The following RNF175 variants were observed in gnomAD, a reference collection of about 807,000 sequenced individuals.
RNF175 encodes the protein ring finger protein 175.
In RNF175, 38 loss-of-function variants were observed where a neutral mutation model predicts 50.0. The observed-to-expected ratio is 0.76, with a 90% confidence interval of 0.59 to 1.00. The LOEUF (loss-of-function observed/expected upper bound fraction) is 1.00. RNF175 is among the 50% of genes least tolerant of loss of function. The probability of loss-of-function intolerance (pLI) is 0.00; values close to 1 mark genes in which losing one functional copy is unlikely to be tolerated. For synonymous variants in RNF175, 155 were observed against 146.1 expected (o/e 1.06, Z -0.44); for missense variants, 388 against 409.6 (o/e 0.95, Z 0.46).
intron 3 of RNF175, among the ~76,000 whole-genome samples, chr4:153,746,051 T>A (rs905960127): frequency 6.6e-6 from 1 of 152,242 alleles, no homozygotes; most frequent in Non-Finnish European, 1.5e-5. Context: ...AAAAGTCCAG[T>A]GTCTCATCTA....
chr4:153,728,159 T>C (rs780662012), intron 4 of RNF175, 48 bp downstream of exon 4: 4 of 1,418,754 alleles, frequency 2.8e-6, no homozygotes. Context: ...TGCTTTGTAA[T>C]ATTTAAAATA....
At chr4:153,717,534 AAC>A (rs61710163) in intron 6 of RNF175, among the ~76,000 whole-genome samples, 2,465 of 149,748 alleles carry the variant, frequency 0.016, 57 homozygotes, top group African/African-American at 0.056. Flanking sequence ...TACACACACA[AAC>A]ACACACACAC....
At chr4:153,716,545 C>A (rs917686037) in intron 6 of RNF175, among the ~76,000 whole-genome samples, 1 of 152,166 alleles carries the variant, frequency 6.6e-6, no homozygotes. Context: ...ATATTAGAAT[C>A]CCTAGGAAGC....
In RNF175 at chr4:153,748,753, C is replaced by T. The variant is rs1210707369; in HGVS notation, c.138G>A (p.Arg46=). 6.2e-7 allele frequency: 1 copy of T among 1,611,960 alleles called. No homozygotes were observed. Among genetic ancestry groups the T allele is most frequent in the Non-Finnish European group, 8.5e-7 (1 of 1,179,104 alleles). Residue 46 remains arginine, a synonymous_variant, in exon 3 of 9, where the codon CGG becomes CGA. Transcript: ENST00000347063. ...LQQERMYKMH[R]GHDSMHVEMI... ...TTTCCACGTGCATGGAATCGTGGCC[C>T]CGGTGCATCTTGTACATCCTCTCCT...
At chr4:153,715,470 G>C in intron 7 of RNF175, 59 bp downstream of exon 7, 1 of 1,496,276 alleles carries the variant, frequency 6.7e-7, no homozygotes. Context: ...GGAGGAGGAG[G>C]AGAAGGAGGA....
intron 6 of RNF175, 95 bp downstream of exon 6, chr4:153,720,089 G>A: frequency 2.3e-6 from 3 of 1,327,860 alleles, no homozygotes; most frequent in South Asian, 2.7e-5. Context: ...TATGGAGAAA[G>A]ACTTATTTGT....
intron 4 of RNF175, 94 bp downstream of exon 4, chr4:153,728,113 C>T: frequency 1.2e-6 from 1 of 849,190 alleles, no homozygotes; most frequent in Non-Finnish European, 1.7e-6. Context: ...AATGTAACCC[C>T]CCCACTCCCC....
At chr4:153,715,385 C>T in intron 7 of RNF175, 144 bp downstream of exon 7, 1 of 771,034 alleles carries the variant, frequency 1.3e-6, no homozygotes, top group Non-Finnish European at 2.2e-6. Flanking sequence ...AACAGGAAGA[C>T]TCGACTGGGC....
At chr4:153,715,419 G>A (rs1282341847) in intron 7 of RNF175, 110 bp downstream of exon 7, 2 of 1,030,790 alleles carry the variant, frequency 1.9e-6, no homozygotes, top group East Asian at 2.6e-5. Flanking sequence ...ACTGGGGTTT[G>A]GGCATGGAAG....
chr4:153,727,795 T>C (rs141089678), intron 4 of RNF175: 1 of 153,140 alleles, frequency 6.5e-6, no homozygotes, highest in African/African-American at 2.4e-5. Flanking sequence ...AAGTTGTCCA[T>C]GACTTATGAT....
chr4:153,713,150 C>T (rs573201195), intron 7 of RNF175: 2 of 152,290 alleles, frequency 1.3e-5, no homozygotes, highest in South Asian at 4.1e-4. Flanking sequence ...CTAAACTTAA[C>T]TTCTCAAACT....
intron 4 of RNF175, among the ~76,000 whole-genome samples, chr4:153,727,885 TAAA>T (rs1738797983): frequency 6.6e-6 from 1 of 152,220 alleles, no homozygotes; most frequent in African/African-American, 2.4e-5. Context: ...TATAGTGGAA[TAAA>T]GAAAAATGCT....
intron 2 of RNF175, among the ~76,000 whole-genome samples, chr4:153,750,108 T>G (rs371534896): frequency 4.3e-4 from 65 of 152,182 alleles, no homozygotes; most frequent in African/African-American, 1.5e-3. Flanking sequence ...TGGGGAAAAA[T>G]CATGAATGCT....
intron 4 of RNF175, among the ~76,000 whole-genome samples, chr4:153,726,462 A>C (rs956633815): frequency 6.6e-6 from 1 of 152,128 alleles, no homozygotes; most frequent in African/African-American, 2.4e-5. Flanking sequence ...AGTTGAGAGG[A>C]AACTCACTTC....
Position 153,740,524 on chromosome 4 carries a change from T to C in RNF175, c.246+8121A>G, listed in dbSNP as rs926277957. ...ACGTTTATGTTAACTACAGTCACCA[T>C]GCTGTGCAATAGAATACCAGAATTT... is the stretch of plus-strand genomic sequence containing the variant. On this transcript the variant is annotated intron_variant, in intron 3 of 8. Coordinates refer to ENST00000347063, the MANE Select transcript of RNF175 (RefSeq NM_173662.4). Among the ~76,000 whole-genome samples, 16 of 152,338 alleles carry C rather than the reference T, an allele frequency of 1.1e-4. No homozygotes were observed. The South Asian group carries it at 2.9e-3, about 28-fold the overall frequency.
chr4:153,712,646 G>T, intron 7 of RNF175, 70 bp from the exon 8 acceptor site: 1 of 1,021,526 alleles, frequency 9.8e-7, no homozygotes, highest in Non-Finnish European at 1.5e-6. Flanking sequence ...GCATGGAATG[G>T]TCCCATCTTC....
chr4:153,715,747 G>A, intron 6 of RNF175, 85 bp from the exon 7 acceptor site: 1 of 1,423,964 alleles, frequency 7.0e-7, no homozygotes, highest in South Asian at 1.3e-5. Flanking sequence ...CAGGCACTGG[G>A]ACAGGCAGCC....
chr4:153,760,017 C>T lies in RNF175; in HGVS notation c.-155G>A. The T allele has an allele frequency of 2.4e-6, 1 of 422,464 alleles. No individual in the cohort carries two copies. Among genetic ancestry groups the T allele is most frequent in the East Asian group, 3.7e-5 (1 of 26,704 alleles). The allele number at this position is 422,464 out of a possible 1,614,324, so 26.2% of individuals were successfully genotyped here. A position where few individuals can be genotyped will look rare whatever the true frequency, so the allele number is the denominator to read the frequency against. On this transcript the variant is annotated 5_prime_UTR_variant, in exon 1 of 9. Transcript: ENST00000347063. Reference sequence around the variant, plus strand: ...GCGGCCCTGCCCGGGTTGTGCGGGGCGGGAGATGGGAGCCTCCCGGCACGC... The same window carrying T: ...GCGGCCCTGCCCGGGTTGTGCGGGGTGGGAGATGGGAGCCTCCCGGCACGC...
At chr4:153,731,724 G>T (rs985005263) in intron 3 of RNF175, among the ~76,000 whole-genome samples, 9 of 151,758 alleles carry the variant, frequency 5.9e-5, no homozygotes, top group African/African-American at 1.2e-4. Context: ...AGGAAAAAAA[G>T]AAAAAAATAA....
Sources: gnomAD v4.1 joint callset for allele counts (sites outside exome capture counted in the v4.1 genomes callset) on GRCh38, gnomAD v4.1.1 for gene constraint, MANE v1.5 for transcripts, NCBI Gene and HGNC (gene_info 2026-07-23, HGNC 2026-07-21) for gene names.